ROCK1: variants seen among roughly 807,000 people sequenced by gnomAD.
The protein encoded by ROCK1 is rho-associated protein kinase 1.
A neutral mutation model predicts 196.8 loss-of-function variants in ROCK1; 36 were observed. That is an observed-to-expected ratio of 0.18 (90% CI 0.14 to 0.24). The LOEUF is 0.24. Among genes scored for constraint, ROCK1 ranks in the 10% least tolerant of loss-of-function variants. The pLI is 1.00. For synonymous variants in ROCK1, 443 were observed against 515.9 expected, an observed-to-expected ratio of 0.86 and a Z score of 1.91; for missense variants, 920 against 1,562.0, an observed-to-expected ratio of 0.59 and a Z score of 6.93.
intron 21 of ROCK1, among the ~76,000 whole-genome samples, chr18:20,982,023 T>C (rs1023924418): frequency 1.9e-4 from 29 of 152,310 alleles, no homozygotes; most frequent in African/African-American, 6.5e-4. Flanking sequence ...AGAACTGAGA[T>C]AGGGTCAGGT....
intron 1 of ROCK1, among the ~76,000 whole-genome samples, chr18:21,086,778 T>C (rs867404552): frequency 4.8e-5 from 7 of 145,364 alleles, no homozygotes; most frequent in African/African-American, 1.8e-4. Context: ...AAAAAAAAAA[T>C]TAAGACATTC....
intron 16 of ROCK1, among the ~76,000 whole-genome samples, chr18:20,996,373 G>A (rs1161427385): frequency 6.6e-6 from 1 of 152,070 alleles, no homozygotes; most frequent in African/African-American, 2.4e-5. Context: ...TACAGTCATA[G>A]GAGACAAAAA....
chr18:21,074,839 G>A (rs2036415824), intron 1 of ROCK1, among the ~76,000 whole-genome samples: 1 of 152,172 alleles, frequency 6.6e-6, no homozygotes, highest in African/African-American at 2.4e-5. Flanking sequence ...CATAAATAGA[G>A]AAAAGGCTAT....
In ROCK1 at chr18:20,966,997, C is replaced by A. The variant is rs1042482794; in HGVS notation, c.3272G>T (p.Arg1091Leu). ...ATCCGAGAGGTCCAAAAGTTTAGCA[C>A]GCAATTGCTCAATATCACTCTCTTT... ...ASKESDIEQL[R>L]AKLLDLSDST... The change falls in exon 27 of 33, where the codon CGT becomes CTT. Residue 1091 changes from arginine (R) to leucine (L), a missense_variant. By Grantham distance (102) the Arg-to-Leu change is moderately radical. This residue lies in a region of ROCK1 where 116 missense variants were observed against 204.2 expected (regional missense o/e 0.57). Transcript: ENST00000399799. 1.2e-6 allele frequency: 2 copies of A among 1,613,060 alleles called. No individual in the cohort carries two copies. The highest frequency in any genetic ancestry group is 1.3e-5 in the African/African-American group (1 of 74,910).
At chr18:21,103,019 G>A (rs116163554) in intron 1 of ROCK1, among the ~76,000 whole-genome samples, 166 of 152,220 alleles carry the variant, frequency 1.1e-3, no homozygotes, top group African/African-American at 3.7e-3. Context: ...ACCTCCCTGA[G>A]ATATCAGACT....
intron 8 of ROCK1, among the ~76,000 whole-genome samples, chr18:21,041,472 A>C (rs528740292): frequency 6.6e-6 from 1 of 152,156 alleles, no homozygotes; most frequent in African/African-American, 2.4e-5. Flanking sequence ...TTCAAATTTC[A>C]AAAGTAAACC....
chr18:21,021,122 G>A (rs2035909496), intron 11 of ROCK1, among the ~76,000 whole-genome samples: 1 of 152,170 alleles, frequency 6.6e-6, no homozygotes, highest in South Asian at 2.1e-4. Context: ...CAATTGGAAA[G>A]CACAATGTAT....
chr18:21,063,011 G>C (rs759264008), intron 2 of ROCK1, among the ~76,000 whole-genome samples: 3 of 152,100 alleles, frequency 2.0e-5, no homozygotes, highest in Non-Finnish European at 4.4e-5. Context: ...GTTTTTTGCT[G>C]CTATAACAGA....
At chr18:21,021,901 G>T (rs185636761) in intron 11 of ROCK1, among the ~76,000 whole-genome samples, 1 of 152,254 alleles carries the variant, frequency 6.6e-6, no homozygotes, top group Admixed American at 6.5e-5. Context: ...TTGAGCCCTT[G>T]TTAGCAATAC....
chr18:21,097,010 G>A (rs1475349710), intron 1 of ROCK1, among the ~76,000 whole-genome samples: 1 of 152,178 alleles, frequency 6.6e-6, no homozygotes, highest in Non-Finnish European at 1.5e-5. Flanking sequence ...ATTGTGTGAG[G>A]AGGACATGGG....
intron 9 of ROCK1, among the ~76,000 whole-genome samples, chr18:21,037,188 G>A (rs926957628): frequency 6.6e-6 from 1 of 152,028 alleles, no homozygotes; most frequent in African/African-American, 2.4e-5. Context: ...TCTCAAATGA[G>A]TGGAAAAATA....
chr18:21,026,201 T>A (rs1424601361), intron 10 of ROCK1, among the ~76,000 whole-genome samples: 2 of 152,082 alleles, frequency 1.3e-5, no homozygotes, highest in Non-Finnish European at 2.9e-5. Context: ...TCCCAGCACT[T>A]TGGGAGGCCA....
chr18:21,034,815 G>A (rs1432110866), intron 9 of ROCK1, among the ~76,000 whole-genome samples: 1 of 152,158 alleles, frequency 6.6e-6, no homozygotes, highest in Non-Finnish European at 1.5e-5. Context: ...TAAAAATTTT[G>A]TGCTTGAAAG....
At chr18:21,042,742 G>T in intron 6 of ROCK1, 33 bp from the exon 7 acceptor site, 2 of 1,563,704 alleles carry the variant, frequency 1.3e-6, no homozygotes, top group Non-Finnish European at 1.7e-6. Context: ...TTTTGAATTA[G>T]GATATAAAGT....
chr18:21,062,301 A>G (rs1320016819), intron 2 of ROCK1, among the ~76,000 whole-genome samples: 1 of 152,140 alleles, frequency 6.6e-6, no homozygotes, highest in East Asian at 1.9e-4. Context: ...AAGTAAGAAC[A>G]TGTCAAAGAA....
intron 12 of ROCK1, 34 bp downstream of exon 12, chr18:21,020,117 C>T: frequency 7.5e-7 from 1 of 1,331,852 alleles, no homozygotes; most frequent in Non-Finnish European, 1.1e-6. Flanking sequence ...GTATATAAAA[C>T]TTTTAATATG....
At chr18:21,008,392 C>G (rs1187089697) in intron 13 of ROCK1, among the ~76,000 whole-genome samples, 198 bp from the exon 14 acceptor site, 2 of 152,198 alleles carry the variant, frequency 1.3e-5, no homozygotes, top group Admixed American at 6.5e-5. Flanking sequence ...CAGTGGGAAT[C>G]TGTCTTCTGT....
At chr18:21,053,106 A>T (rs1439810625) in intron 2 of ROCK1, among the ~76,000 whole-genome samples, 1 of 152,156 alleles carries the variant, frequency 6.6e-6, no homozygotes, top group Non-Finnish European at 1.5e-5. Flanking sequence ...TGCCACTCCC[A>T]ATACCCCCAA....
At chr18:20,985,414 A>G (rs2035569420) in intron 19 of ROCK1, among the ~76,000 whole-genome samples, 1 of 152,082 alleles carries the variant, frequency 6.6e-6, no homozygotes, top group South Asian at 2.1e-4. Context: ...TCTTGTACGC[A>G]CTACTCCTGT....
Sources: allele counts gnomAD v4.1 joint callset (sites outside exome capture counted in the v4.1 genomes callset), GRCh38; gene constraint gnomAD v4.1.1; regional missense constraint gnomAD v4.1.1; transcripts MANE v1.5; gene names NCBI Gene and HGNC (gene_info 2026-07-23, HGNC 2026-07-21).